PIWIL4: variants seen among roughly 807,000 people sequenced by gnomAD.
The protein encoded by PIWIL4 is piwi like RNA-mediated gene silencing 4, also known as piwi-like protein 4.
In PIWIL4, 50 loss-of-function variants were observed where a neutral mutation model predicts 100.9. The ratio of observed to expected loss-of-function variants is 0.50; its 90% CI spans 0.39 to 0.63. The LOEUF is 0.63. PIWIL4 is among the 20% of genes least tolerant of loss of function. PIWIL4 has a pLI of 0.00. For missense variants in PIWIL4, 887 were observed against 1,043.3 expected, an observed-to-expected ratio of 0.85 and a Z score of 2.06; for synonymous variants, 342 against 367.5, an observed-to-expected ratio of 0.93 and a Z score of 0.79.
At chr11:94,569,101 C>T (rs762085205) in intron 2 of PIWIL4, among the ~76,000 whole-genome samples, 11 of 152,130 alleles carry the variant, frequency 7.2e-5, no homozygotes, top group Non-Finnish European at 1.3e-4. Flanking sequence ...GTGTTATATA[C>T]GAATACCATT....
intron 4 of PIWIL4, among the ~76,000 whole-genome samples, chr11:94,580,339 C>G (rs375981023): frequency 7.5e-4 from 114 of 152,286 alleles, no homozygotes; most frequent in African/African-American, 2.7e-3. Context: ...GCATCCTCAT[C>G]ATCCCCTACA....
In PIWIL4 at chr11:94,617,999, G is replaced by A. The variant is rs759467524; in HGVS notation, c.2060G>A (p.Arg687Gln). 6 of 1,613,530 alleles carry A rather than the reference G, an allele frequency of 3.7e-6. No individual in the cohort carries two copies. The highest frequency in any genetic ancestry group is 1.7e-5 in the Admixed American group (1 of 59,930). The change falls in exon 17 of 20, where the codon CGG (arginine) becomes CAG (glutamine). Residue 687 changes from arginine to glutamine, a missense_variant. This residue lies in a region of PIWIL4 where 741 missense variants were observed against 930.0 expected (regional missense o/e 0.80). Coordinates refer to ENST00000299001, the MANE Select transcript of PIWIL4 (RefSeq NM_152431.3). ...AAGTACAATCATGATTTGCCAGCAC[G>A]GATAATTGTGTACCGTGCTGGTGTA... ...WYKYNHDLPA[R>Q]IIVYRAGVGD... is the part of the protein sequence containing the mutation.
Position 94,593,544 on chromosome 11 carries a change from G to C in PIWIL4, c.1053G>C (p.Leu351=). 1 of 1,613,692 alleles carries C rather than the reference G, an allele frequency of 6.2e-7. No individual in the cohort carries two copies. Among genetic ancestry groups the C allele is most frequent in the Non-Finnish European group, 8.5e-7 (1 of 1,179,796 alleles). Residue 351 remains leucine, a synonymous_variant, in exon 9 of 20, where the codon CTG becomes CTC. Transcript: ENST00000299001. ...AGTATGATATTACTGTATCGGACCT[G>C]AATCAGCCCATGCTTGTTAGTCTGT... ...KQQYDITVSD[L]NQPMLVSLLK... is the part of the protein sequence containing the mutation.
Position 94,568,825 on chromosome 11 carries a change from C to T in PIWIL4, c.166+17C>T. 6.3e-7 allele frequency: 1 copy of T among 1,578,242 alleles called. No homozygotes were observed. Among genetic ancestry groups the T allele is most frequent in the South Asian group, 1.1e-5 (1 of 90,330 alleles). ...CAACCAACGGTAAGTGCAGCTCAGC[C>T]TGTTCATTTAGTACCATTCAACCTG... On this transcript the variant is annotated intron_variant, in intron 2 of 19. Transcript: ENST00000299001.
chr11:94,616,865 T>A (rs1164681658), intron 16 of PIWIL4, among the ~76,000 whole-genome samples: 2 of 152,156 alleles, frequency 1.3e-5, no homozygotes, highest in African/African-American at 4.8e-5. Flanking sequence ...CTGGAGGAAC[T>A]CGAGTTATGA....
intron 15 of PIWIL4, among the ~76,000 whole-genome samples, chr11:94,612,298 A>G (rs888698282): frequency 7.0e-6 from 1 of 142,752 alleles, no homozygotes; most frequent in African/African-American, 2.6e-5. Context: ...TTATCCAACG[A>G]CTTTGATTTT....
intron 6 of PIWIL4, among the ~76,000 whole-genome samples, chr11:94,586,584 G>A (rs1387558670): frequency 1.3e-5 from 2 of 152,058 alleles, no homozygotes; most frequent in Non-Finnish European, 2.9e-5. Flanking sequence ...GTTTTCCTGC[G>A]GGGACAGATC....
Position 94,567,574 on chromosome 11 carries a change from C to A in PIWIL4, c.56C>A (p.Thr19Lys). The change falls in exon 1 of 20, where the codon ACA becomes AAA. Residue 19 changes from threonine (T) to lysine (K), a missense_variant. Around this residue, in one of 2 missense-constraint regions of PIWIL4, gnomAD observed 146 missense variants for 113.4 expected, o/e 1.29. Transcript: ENST00000299001. ...ARGIARSPSA[T>K]EVGRIQASPL... ...GGCATCGCCCGCAGCCCCAGTGCCA[C>A]AGAAGTGGGGCGCATCCAAGCCTCG... 6.2e-7 allele frequency: 1 copy of A among 1,607,498 alleles called. No homozygotes were observed. The highest frequency in any genetic ancestry group is 1.7e-5 in the Admixed American group (1 of 59,438).
chr11:94,617,924 T>C (rs1468226324), intron 16 of PIWIL4, 30 bp from the exon 17 acceptor site: 5 of 1,608,860 alleles, frequency 3.1e-6, no homozygotes, highest in African/African-American at 1.3e-5. Flanking sequence ...AGAAAAGTAA[T>C]TCTTTTCTTA....
rs556628570 is a variant in PIWIL4 at position 94,615,819 on chromosome 11, A to C, written c.1944-674A>C. On this transcript the variant is annotated intron_variant, in intron 15 of 19. Coordinates refer to ENST00000299001, the MANE Select transcript of PIWIL4 (RefSeq NM_152431.3). ...CATGTAGCTGTATTACTGTTGTTGC[A>C]TATATTTAGAGAGGTATAATAATGC... 1.7e-4 allele frequency among the ~76,000 whole-genome samples: 26 copies of C among 152,266 alleles called. 1 individual carries two copies. The South Asian group carries it at 4.4e-3, about 25-fold the overall frequency.
chr11:94,586,705 G>C (rs1339314123), intron 6 of PIWIL4, among the ~76,000 whole-genome samples: 1 of 152,142 alleles, frequency 6.6e-6, no homozygotes, highest in Non-Finnish European at 1.5e-5. Flanking sequence ...TGTCACAGCT[G>C]GGAGGCTGCT....
chr11:94,602,687 T>C (rs1591797236), intron 12 of PIWIL4, among the ~76,000 whole-genome samples: 1 of 152,236 alleles, frequency 6.6e-6, no homozygotes, highest in East Asian at 1.9e-4. Context: ...CTGATATGCT[T>C]AGAAAAGAGG....
chr11:94,596,588 A>G (rs531657797), intron 10 of PIWIL4, among the ~76,000 whole-genome samples: 1 of 152,274 alleles, frequency 6.6e-6, no homozygotes, highest in South Asian at 2.1e-4. Context: ...TAGTGTTTTC[A>G]TAGTTTTTTA....
chr11:94,582,806 A>G (rs1348356114), intron 4 of PIWIL4, among the ~76,000 whole-genome samples: 2 of 152,054 alleles, frequency 1.3e-5, no homozygotes, highest in African/African-American at 2.4e-5. Flanking sequence ...TCTAATTTCC[A>G]CCACTTATTC....
intron 9 of PIWIL4, among the ~76,000 whole-genome samples, chr11:94,594,790 C>G (rs1206258165): frequency 6.6e-6 from 1 of 152,106 alleles, no homozygotes; most frequent in Non-Finnish European, 1.5e-5. Flanking sequence ...CCTCGGCCTC[C>G]CAAAGCGCTG....
At chr11:94,604,092 A>G (rs1178968749) in intron 13 of PIWIL4, 36 bp downstream of exon 13, 24 of 1,383,008 alleles carry the variant, frequency 1.7e-5, no homozygotes, top group African/African-American at 3.0e-5. Context: ...CCTTTAATCT[A>G]TAATTTTAGT....
chr11:94,571,633 G>A (rs560851205), intron 2 of PIWIL4, among the ~76,000 whole-genome samples: 2 of 152,190 alleles, frequency 1.3e-5, no homozygotes, highest in Non-Finnish European at 2.9e-5. Context: ...TTTTATGGCA[G>A]CATAGTATTC....
At chr11:94,578,621 C>G (rs1948273744) in intron 4 of PIWIL4, among the ~76,000 whole-genome samples, 1 of 152,184 alleles carries the variant, frequency 6.6e-6, no homozygotes, top group Non-Finnish European at 1.5e-5. Flanking sequence ...AATGATTTTG[C>G]CATTCTTCTA....
intron 17 of PIWIL4, among the ~76,000 whole-genome samples, chr11:94,618,399 G>T (rs893580473): frequency 3.3e-5 from 5 of 152,196 alleles, no homozygotes; most frequent in Non-Finnish European, 7.4e-5. Context: ...AGCCTGCAGG[G>T]CTGCTGGCAG....
Sources: gnomAD v4.1 joint callset for allele counts (sites outside exome capture counted in the v4.1 genomes callset) on GRCh38, gnomAD v4.1.1 for gene constraint, gnomAD v4.1.1 regional missense constraint, MANE v1.5 for transcripts, NCBI Gene and HGNC (gene_info 2026-07-23, HGNC 2026-07-21) for gene names.